The following TPTE2 variants were observed in gnomAD, a reference collection of about 807,000 sequenced individuals.
TPTE2 encodes the protein transmembrane phosphoinositide 3-phosphatase and tensin homolog 2.
A neutral mutation model predicts 78.6 loss-of-function variants in TPTE2; 53 were observed. The ratio of observed to expected loss-of-function variants is 0.67; its 90% CI spans 0.54 to 0.85. The LOEUF is 0.85. Among genes scored for constraint, TPTE2 ranks in the 40% least tolerant of loss-of-function variants. TPTE2 has a pLI of 0.00. For missense variants in TPTE2, 461 were observed against 623.0 expected, an observed-to-expected ratio of 0.74 and a Z score of 2.77; for synonymous variants, 175 against 206.2, an observed-to-expected ratio of 0.85 and a Z score of 1.30.
chr13:19,456,297 C>T (rs1239348955), intron 10 of TPTE2, among the ~76,000 whole-genome samples: 2 of 151,866 alleles, frequency 1.3e-5, no homozygotes, highest in Non-Finnish European at 2.9e-5. Context: ...GTCAGTGAGA[C>T]CAGAGAGACT....
At chr13:19,554,200 C>A in the TPTE2 span, among the ~76,000 whole-genome samples, 1 of 151,736 alleles carries the variant, frequency 6.6e-6, no homozygotes, top group Non-Finnish European at 1.5e-5. Flanking sequence ...ACGGTGAAAA[C>A]CTGTCTCTAC....
intron 13 of TPTE2, among the ~76,000 whole-genome samples, chr13:19,446,206 G>A (rs1256169753): frequency 6.6e-6 from 1 of 152,156 alleles, no homozygotes; most frequent in East Asian, 1.9e-4. Flanking sequence ...TCCTAAAAGT[G>A]TTCCATTATG....
chr13:19,540,713 T>G (rs1252164034), upstream of TPTE2, among the ~76,000 whole-genome samples: 2 of 152,192 alleles, frequency 1.3e-5, no homozygotes, highest in African/African-American at 4.8e-5. Flanking sequence ...TTATTTATAT[T>G]TTTGATGCTA....
rs1397505989 is a variant in TPTE2, at chr13:19,535,865, G to A, written c.-44+731C>T. Among the ~76,000 whole-genome samples, 1 of 151,996 alleles carries A rather than the reference G, an allele frequency of 6.6e-6. No homozygotes were observed. Among genetic ancestry groups the A allele is most frequent in the Non-Finnish European group, 1.5e-5 (1 of 68,000 alleles). On this transcript the variant is annotated intron_variant, in intron 1 of 17. Coordinates refer to the TPTE2 transcript ENST00000390680. The surrounding 1 kb of genome is among the most constrained non-coding windows in gnomAD (Gnocchi z 5.1). ...TGGCCAGGTTGGTCTCGAACTCCTG[G>A]CCTCAAGTGATCTGCCTGCCTTGGC...
chr13:19,559,820 C>G, the TPTE2 span, among the ~76,000 whole-genome samples: 1 of 103,014 alleles, frequency 9.7e-6, no homozygotes, highest in African/African-American at 3.1e-5. Flanking sequence ...CCCGGACACA[C>G]GTTTCCAGCT....
intron 1 of TPTE2, among the ~76,000 whole-genome samples, chr13:19,521,396 G>A (rs1870144588): frequency 6.6e-6 from 1 of 150,722 alleles, no homozygotes; most frequent in African/African-American, 2.4e-5. Flanking sequence ...TCTTTATTTA[G>A]TTAGTTAGTT....
At chr13:19,435,652 G>T (rs1386959541) in intron 15 of TPTE2, among the ~76,000 whole-genome samples, 1 of 151,942 alleles carries the variant, frequency 6.6e-6, no homozygotes. Context: ...AATGAGATAT[G>T]TAAAAGTGCA....
chr13:19,555,749 T>A, the TPTE2 span, among the ~76,000 whole-genome samples: 1 of 151,194 alleles, frequency 6.6e-6, no homozygotes, highest in African/African-American at 2.4e-5. Context: ...CTCAAGAATC[T>A]TCAAGCATCT....
upstream of TPTE2, among the ~76,000 whole-genome samples, chr13:19,539,054 C>T (rs1395326646): frequency 3.9e-5 from 6 of 152,188 alleles, no homozygotes; most frequent in Non-Finnish European, 8.8e-5. Flanking sequence ...GATTCTCCCT[C>T]TTATAAAGCC....
rs142676027 is a variant in TPTE2, at chr13:19,425,634, C to T, written c.1396-617G>A. 1,881 of 467,930 alleles carry T rather than the reference C, an allele frequency of 4.0e-3. 32 individuals carry two copies. The highest frequency in any genetic ancestry group is 0.032 in the African/African-American group (1,630 of 50,264). 29.0% of individuals were successfully genotyped at this position (467,930 alleles called of 1,614,324 possible). ...ATCAGTGACCACCTCTCAGTCACAG[C>T]AGAGACTCATGGCTGCTTGCGTTAA... On this transcript the variant is annotated intron_variant, in intron 18 of 19. Transcript: ENST00000400230.
chr13:19,465,803 A>G (rs1361783702), intron 7 of TPTE2, among the ~76,000 whole-genome samples: 1 of 152,150 alleles, frequency 6.6e-6, no homozygotes, highest in East Asian at 1.9e-4. Flanking sequence ...GAATTTTGCT[A>G]AACACCCTAC....
At chr13:19,452,845 C>T (rs1320402801) in intron 10 of TPTE2, among the ~76,000 whole-genome samples, 1 of 152,042 alleles carries the variant, frequency 6.6e-6, no homozygotes, top group African/African-American at 2.4e-5. Context: ...ATGTCTGTTG[C>T]TGTATTGTTG....
chr13:19,436,410 T>A (rs1456176584), intron 14 of TPTE2, 104 bp from the exon 18 acceptor site: 7 of 1,096,686 alleles, frequency 6.4e-6, no homozygotes, highest in Non-Finnish European at 9.1e-6. Flanking sequence ...CTAAAGTCAG[T>A]GATTTTGTTT....
intron 4 of TPTE2, among the ~76,000 whole-genome samples, chr13:19,480,643 C>T (rs1344192084): frequency 2.6e-5 from 4 of 151,846 alleles, no homozygotes; most frequent in Non-Finnish European, 4.4e-5. Context: ...ACTTTTCAGT[C>T]CAAAGACAGA....
At chr13:19,536,998 T>C (rs897233680), upstream of TPTE2, among the ~76,000 whole-genome samples, 1 of 151,376 alleles carries the variant, frequency 6.6e-6, no homozygotes, top group African/African-American at 2.4e-5. Flanking sequence ...CAAAAAGGGG[T>C]TGCCAATTTA....
chr13:19,440,280 A>G (rs1593355048), intron 13 of TPTE2, among the ~76,000 whole-genome samples: 1 of 152,224 alleles, frequency 6.6e-6, no homozygotes, highest in Admixed American at 6.5e-5. Flanking sequence ...TTCACCATCA[A>G]GTAAGCTTCA....
intron 4 of TPTE2, among the ~76,000 whole-genome samples, chr13:19,476,380 A>G (rs1321215166): frequency 1.3e-5 from 2 of 151,034 alleles, no homozygotes; most frequent in Non-Finnish European, 1.5e-5. Flanking sequence ...AACACAGGAG[A>G]CTTCAGTAGG....
intron 13 of TPTE2, among the ~76,000 whole-genome samples, chr13:19,445,047 T>G (rs527470674): frequency 7.6e-4 from 116 of 152,296 alleles, no homozygotes; most frequent in Middle Eastern, 3.4e-3. Flanking sequence ...AAGGAAAATT[T>G]TCTTAATCAG....
intron 13 of TPTE2, 124 bp from the exon 17 acceptor site, chr13:19,438,277 C>G: frequency 7.3e-7 from 1 of 1,370,926 alleles, no homozygotes; most frequent in Non-Finnish European, 9.5e-7. Flanking sequence ...TGCTGTGTCA[C>G]GCAGGCTGGA....
Sources: gnomAD v4.1 joint callset for allele counts (sites outside exome capture counted in the v4.1 genomes callset) on GRCh38, gnomAD v4.1.1 for gene constraint, Gnocchi (gnomAD v3.1) non-coding constraint, MANE v1.5 for transcripts, NCBI Gene and HGNC (gene_info 2026-07-23, HGNC 2026-07-21) for gene names.